OXNAD1: variants seen among roughly 807,000 people sequenced by gnomAD.
OXNAD1 encodes the protein oxidoreductase NAD binding domain containing 1.
In OXNAD1, 34 loss-of-function variants were observed where a neutral mutation model predicts 32.9. The observed-to-expected ratio is 1.03, with a 90% CI of 0.79 to 1.38. OXNAD1 has a LOEUF of 1.38. Ranked by LOEUF, OXNAD1 falls within the 40% of genes most tolerant of loss-of-function variation. The pLI, the probability that OXNAD1 is intolerant of heterozygous loss-of-function variation, is 0.00. For synonymous variants in OXNAD1, 134 were observed against 135.2 expected, an observed-to-expected ratio of 0.99 and a Z score of 0.06; for missense variants, 407 against 379.4, an observed-to-expected ratio of 1.07 and a Z score of -0.60.
At position 16,344,348 on chromosome 3, in the gene OXNAD1, G is replaced by A. The variant is rs1189410788; in HGVS notation, c.*31-4828G>A. 1.3e-5 allele frequency among the ~76,000 whole-genome samples: 2 copies of A among 150,662 alleles called. No homozygotes were observed. Among genetic ancestry groups the A allele is most frequent in the Admixed American group, 6.6e-5 (1 of 15,134 alleles). On this transcript the variant is annotated intron_variant, in intron 9 of 9. Coordinates refer to the OXNAD1 transcript ENST00000606098. This position sits in a 1 kb window ranked among gnomAD's most constrained non-coding sequence, Gnocchi z 4.4. ...TTTCAAGGTTTTTTTTTTTTAATTA[G>A]TAGGATGCTTCCTATAGGCATCAAC... is the stretch of plus-strand genomic sequence containing the variant.
chr3:16,288,848 A>G lies in OXNAD1; in HGVS notation c.290+2400A>G, dbSNP rs971809114. ...ACTCTTGGGTCTGGAGCATGCCACCACTGGTCCTCACACAGTGTGCAGCTG... is the reference window on the plus strand; with the variant it reads ...ACTCTTGGGTCTGGAGCATGCCACCGCTGGTCCTCACACAGTGTGCAGCTG... On this transcript the variant is annotated intron_variant, in intron 5 of 8. Coordinates refer to ENST00000285083, the MANE Select transcript of OXNAD1 (RefSeq NM_138381.5). This position sits in a 1 kb window ranked among gnomAD's most constrained non-coding sequence, Gnocchi z 5.1. Among the ~76,000 whole-genome samples the G allele has an allele frequency of 2.0e-5, 3 of 152,122 alleles. No homozygotes were observed. The highest frequency in any genetic ancestry group is 4.4e-5 in the Non-Finnish European group (3 of 68,016).
downstream of OXNAD1, among the ~76,000 whole-genome samples, chr3:16,351,622 T>C (rs76341535): frequency 8.6e-3 from 1,310 of 152,320 alleles, 5 homozygotes; most frequent in Non-Finnish European, 0.014. The surrounding 1 kb of genome is among the most constrained non-coding windows in gnomAD (Gnocchi z 5.4). Flanking sequence ...AGGTAGCAGC[T>C]GCTTTCTAGG....
At chr3:16,269,844 T>C (rs944674385) in intron 2 of OXNAD1, among the ~76,000 whole-genome samples, 1 of 152,244 alleles carries the variant, frequency 6.6e-6, no homozygotes, top group Non-Finnish European at 1.5e-5. Context: ...ACATGCATTT[T>C]CATTTATTCT....
At chr3:16,268,141 C>A (rs1376211615) in intron 1 of OXNAD1, among the ~76,000 whole-genome samples, 1 of 151,900 alleles carries the variant, frequency 6.6e-6, no homozygotes, top group Admixed American at 6.6e-5. Context: ...GGACATATTT[C>A]AAAAAATTAG....
intron 4 of OXNAD1, chr3:16,276,339 A>C (rs1208870330): frequency 5.0e-6 from 1 of 198,044 alleles, no homozygotes; most frequent in Non-Finnish European, 1.0e-5. Context: ...TTCTTCTGTG[A>C]ATTTTTTTTT....
chr3:16,311,007 A>G (rs1356176091), downstream of OXNAD1, among the ~76,000 whole-genome samples: 2 of 145,906 alleles, frequency 1.4e-5, no homozygotes, highest in South Asian at 2.1e-4. Context: ...AAAAAAAAAA[A>G]AAAAAAATCA....
rs1451298451 is a variant in OXNAD1, at chr3:16,320,749, AGAG to A, written c.*31-16359_*31-16357del. On this transcript the variant is annotated intron_variant, in intron 9 of 9. Coordinates refer to the OXNAD1 transcript ENST00000435829. The surrounding 1 kb of genome is among the most constrained non-coding windows in gnomAD (Gnocchi z 4.5). ...GGGACACGGAAGAACTGGAGGCCAC[AGAG>A]GAGCTGGAGGCCACAGAGAATGGGA... Among the ~76,000 whole-genome samples the A allele has an allele frequency of 6.6e-6, 1 of 152,064 alleles. No individual in the cohort carries two copies. The highest frequency in any genetic ancestry group is 1.5e-5 in the Non-Finnish European group (1 of 67,946).
chr3:16,346,563 C>A lies in OXNAD1; in HGVS notation c.*31-2613C>A, dbSNP rs1029058434. 1 of 152,212 alleles carries A rather than the reference C, an allele frequency of 6.6e-6. No homozygotes were observed. The highest frequency in any genetic ancestry group is 2.4e-5 in the African/African-American group (1 of 41,428). The allele number at this position is 152,212 out of a possible 1,614,324, so 9.4% of individuals were successfully genotyped here. A position where few individuals can be genotyped will look rare whatever the true frequency, so the allele number is the denominator to read the frequency against. On this transcript the variant is annotated intron_variant, in intron 9 of 9. Coordinates refer to the OXNAD1 transcript ENST00000606098. The surrounding 1 kb of genome is among the most constrained non-coding windows in gnomAD (Gnocchi z 4.4). ...TCTGTTGGCTGCCAAAGCCAACAGC[C>A]CCTCGATGGCCCAGGGCTTCTTCCT... is the stretch of plus-strand genomic sequence containing the variant.
chr3:16,324,646 T>TTGTGTG (rs71632869), intron 9 of OXNAD1, among the ~76,000 whole-genome samples: 13,752 of 99,520 alleles, frequency 0.14, 1,070 homozygotes, highest in African/African-American at 0.19. Context: ...TAGTATTCCA[T>TTGTGTG]TGTGTGTGTG....
At chr3:16,323,471 A>T (rs747163191) in intron 9 of OXNAD1, 1 of 1,604,046 alleles carries the variant, frequency 6.2e-7, no homozygotes, top group South Asian at 1.1e-5. Flanking sequence ...TAACACACGG[A>T]GCTGAGAATG....
chr3:16,294,613 A>G (rs1239513210), intron 5 of OXNAD1, among the ~76,000 whole-genome samples: 1 of 152,180 alleles, frequency 6.6e-6, no homozygotes, highest in Non-Finnish European at 1.5e-5. Flanking sequence ...CAGATTTGGT[A>G]GTTTATGTCA....
At chr3:16,272,104 T>A (rs1279544106) in intron 4 of OXNAD1, 2 of 421,586 alleles carry the variant, frequency 4.7e-6, no homozygotes, top group South Asian at 1.8e-5. Flanking sequence ...TTTTTTTTTT[T>A]GCGTCACATC....
rs916776822 is a variant in OXNAD1 at position 16,287,608 on chromosome 3, T to C, written c.290+1160T>C. Among the ~76,000 whole-genome samples, 1 of 152,198 alleles carries C rather than the reference T, an allele frequency of 6.6e-6. No homozygotes were observed. Among genetic ancestry groups the C allele is most frequent in the Non-Finnish European group, 1.5e-5 (1 of 68,024 alleles). On this transcript the variant is annotated intron_variant, in intron 5 of 8. Transcript: ENST00000285083. This position sits in a 1 kb window ranked among gnomAD's most constrained non-coding sequence, Gnocchi z 4.8. Reference sequence around the variant, plus strand: ...TTTCCATATTTCCTTTCTGTGGAAATGTTTGTGTCCTGTGCAAAGCACTGT... The same window carrying C: ...TTTCCATATTTCCTTTCTGTGGAAACGTTTGTGTCCTGTGCAAAGCACTGT...
Position 16,345,595 on chromosome 3 carries a change from A to T in OXNAD1, c.*31-3581A>T, listed in dbSNP as rs1209736210. 3.9e-5 allele frequency among the ~76,000 whole-genome samples: 6 copies of T among 151,962 alleles called. No homozygotes were observed. Among genetic ancestry groups the T allele is most frequent in the Non-Finnish European group, 8.8e-5 (6 of 67,988 alleles). On this transcript the variant is annotated intron_variant, in intron 9 of 9. Coordinates refer to the OXNAD1 transcript ENST00000606098. This position sits in a 1 kb window ranked among gnomAD's most constrained non-coding sequence, Gnocchi z 5.2. ...ACACCGCCTGACTGCTTGAACAGGA[A>T]CGTCCATCTTCTGCCCTTGTTGCTC... is the stretch of plus-strand genomic sequence containing the variant.
At position 16,287,411 on chromosome 3, in the gene OXNAD1, G is replaced by A. The variant is rs1011311670; in HGVS notation, c.290+963G>A. Among the ~76,000 whole-genome samples, 5 of 152,192 alleles carry A rather than the reference G, an allele frequency of 3.3e-5. No individual in the cohort carries two copies. The highest frequency in any genetic ancestry group is 1.2e-4 in the African/African-American group (5 of 41,448). ...ATTTAGAACTAGAAAACAAGATGCT[G>A]ATTGCAATAATTTGGGTTTGTGAAG... On this transcript the variant is annotated intron_variant, in intron 5 of 8. Transcript: ENST00000285083. This position sits in a 1 kb window ranked among gnomAD's most constrained non-coding sequence, Gnocchi z 4.8.
chr3:16,294,757 AT>A (rs994841239), intron 5 of OXNAD1, 98 bp from the exon 6 acceptor site: 71 of 1,160,328 alleles, frequency 6.1e-5, no homozygotes, highest in Admixed American at 3.3e-4. Context: ...GATTTTAGTA[AT>A]TTTTTTTCAT....
intron 1 of OXNAD1, 87 bp from the exon 2 acceptor site, chr3:16,269,039 A>G: frequency 3.2e-6 from 4 of 1,249,548 alleles, no homozygotes; most frequent in Non-Finnish European, 4.1e-6. Context: ...ACTGATTTTA[A>G]TGAGCCTTTC....
chr3:16,302,809 G>C lies in OXNAD1; in HGVS notation c.784+61G>C, dbSNP rs1240813894. 1.0e-4 allele frequency: 127 copies of C among 1,274,746 alleles called. No homozygotes were observed. Among genetic ancestry groups the C allele is most frequent in the Non-Finnish European group, 1.3e-4 (112 of 888,480 alleles). 79.0% of individuals were successfully genotyped at this position (1,274,746 alleles called of 1,614,324 possible). On this transcript the variant is annotated intron_variant, in intron 8 of 8. Transcript: ENST00000285083. The surrounding 1 kb of genome is among the most constrained non-coding windows in gnomAD (Gnocchi z 4.2). ...CAGTTATTTGATGGACACACCAGTT[G>C]GTTGAGCGTAGATGCTTTATTGTTG...
chr3:16,276,872 C>A (rs1021191339), intron 4 of OXNAD1, among the ~76,000 whole-genome samples: 17 of 151,572 alleles, frequency 1.1e-4, no homozygotes, highest in Non-Finnish European at 2.2e-4. Context: ...TACTACCTTT[C>A]AGGAAATTTT....
Sources: gnomAD v4.1 joint callset for allele counts (sites outside exome capture counted in the v4.1 genomes callset) on GRCh38, gnomAD v4.1.1 for gene constraint, Gnocchi (gnomAD v3.1) non-coding constraint, MANE v1.5 for transcripts, NCBI Gene and HGNC (gene_info 2026-07-23, HGNC 2026-07-21) for gene names.